SOX6: variants seen among roughly 807,000 people sequenced by gnomAD.
SOX6 encodes the protein SRY-box transcription factor 6, also known as transcription factor SOX-6.
A neutral mutation model predicts 97.8 loss-of-function variants in SOX6; 11 were observed. The observed-to-expected ratio is 0.11, with a 90% CI of 0.07 to 0.19. The LOEUF (loss-of-function observed/expected upper bound fraction) is 0.19. SOX6 is among the 10% of genes least tolerant of loss of function. The pLI, the probability that SOX6 is intolerant of heterozygous loss-of-function variation, is 1.00. For synonymous variants in SOX6, 360 were observed against 371.4 expected, an observed-to-expected ratio of 0.97 and a Z score of 0.35; for missense variants, 810 against 1,039.5, an observed-to-expected ratio of 0.78 and a Z score of 3.04.
intron 3 of SOX6, among the ~76,000 whole-genome samples, chr11:16,706,449 CAAAAAA>C (rs71047512): frequency 6.5e-3 from 16 of 2,448 alleles, no homozygotes; most frequent in South Asian, 0.033. Context: ...GAACCTATCA[CAAAAAA>C]AAAAAAAAAA....
chr11:16,143,539 T>G (rs1284122617), intron 6 of SOX6, among the ~76,000 whole-genome samples: 2 of 152,166 alleles, frequency 1.3e-5, no homozygotes, highest in Admixed American at 1.3e-4. Flanking sequence ...AAGCTCCAAT[T>G]AAAAGACACA....
chr11:16,485,897 AAAGGGAAGGGAAGAAAAGGG>A (rs1860419504), intron 4 of SOX6, among the ~76,000 whole-genome samples: 1 of 114,240 alleles, frequency 8.8e-6, no homozygotes, highest in African/African-American at 3.5e-5. Flanking sequence ...CTGTCTCAGA[AAAGGGAAGGGAAGAAAAGGG>A]AAGGGGAGGG....
intron 3 of SOX6, among the ~76,000 whole-genome samples, chr11:16,649,349 G>T (rs769296430): frequency 1.3e-5 from 2 of 152,078 alleles, no homozygotes; most frequent in African/African-American, 2.4e-5. Context: ...CAGACAAAAC[G>T]ATCTTAAGAG....
chr11:16,684,750 A>G (rs535122468), intron 3 of SOX6, among the ~76,000 whole-genome samples: 4 of 152,208 alleles, frequency 2.6e-5, no homozygotes, highest in African/African-American at 9.6e-5. Flanking sequence ...AATAAATAAA[A>G]TAAAAGTAAA....
Position 15,970,197 on chromosome 11 carries a change from A to T in SOX6, c.*2612T>A, listed in dbSNP as rs1167559598. The T allele has an allele frequency of 6.6e-6, 1 of 152,574 alleles. No homozygotes were observed. Among genetic ancestry groups the T allele is most frequent in the African/African-American group, 2.4e-5 (1 of 41,464 alleles). The allele number at this position is 152,574 out of a possible 1,614,324, so 9.5% of individuals were successfully genotyped here. A position where few individuals can be genotyped will look rare whatever the true frequency, so the allele number is the denominator to read the frequency against. ...AAAATACCATTTATATCCAGTGCTT[A>T]TAACACTTACGAAACAACATCTGTG... is the stretch of plus-strand genomic sequence containing the variant. On this transcript the variant is annotated 3_prime_UTR_variant, in exon 16 of 16. Coordinates refer to ENST00000683767, the MANE Select transcript of SOX6 (RefSeq NM_001367873.1).
chr11:16,665,044 G>T (rs1041259407), intron 3 of SOX6, among the ~76,000 whole-genome samples: 1 of 151,904 alleles, frequency 6.6e-6, no homozygotes, highest in Non-Finnish European at 1.5e-5. Context: ...TAATCAGCAG[G>T]GGTAACCAGA....
At chr11:16,398,320 T>C (rs1858424710) in intron 1 of SOX6, among the ~76,000 whole-genome samples, 1 of 151,526 alleles carries the variant, frequency 6.6e-6, no homozygotes, top group Admixed American at 6.6e-5. Context: ...AGATTCCACC[T>C]TGTTTTTCTG....
intron 3 of SOX6, among the ~76,000 whole-genome samples, chr11:16,641,907 C>T (rs1186000664): frequency 2.0e-5 from 3 of 152,110 alleles, no homozygotes; most frequent in Admixed American, 6.6e-5. Context: ...CCCATTTACA[C>T]TTAAGGTTAA....
At chr11:16,059,894 AG>A (rs1157482140) in intron 9 of SOX6, among the ~76,000 whole-genome samples, 1 of 151,974 alleles carries the variant, frequency 6.6e-6, no homozygotes, top group African/African-American at 2.4e-5. Flanking sequence ...AGTGAAAAAA[AG>A]TTCTATACTG....
intron 6 of SOX6, among the ~76,000 whole-genome samples, chr11:16,162,739 G>T (rs1187486723): frequency 3.9e-5 from 6 of 152,130 alleles, no homozygotes; most frequent in African/African-American, 9.7e-5. Flanking sequence ...ATCAATTCAA[G>T]AATAGCCTAA....
intron 2 of SOX6, among the ~76,000 whole-genome samples, chr11:16,730,311 T>C (rs983498829): frequency 3.9e-5 from 6 of 152,012 alleles, no homozygotes; most frequent in East Asian, 3.9e-4. Context: ...CAGTACCACA[T>C]TGCACTTATC....
rs143813498 is a variant in SOX6 at position 16,656,235 on chromosome 11, G to A, written n.430-43975C>T. ...TGGGATTACAGGCACATGCCACCAC[G>A]CCCAATTAATGTTTGTATTTTTAGT... is the stretch of plus-strand genomic sequence containing the variant. On this transcript the variant is annotated intron_variant and non_coding_transcript_variant, in intron 3 of 5. Coordinates refer to the SOX6 transcript ENST00000524520. Among the ~76,000 whole-genome samples, 1,097 of 152,150 alleles carry A rather than the reference G, an allele frequency of 7.2e-3. 9 individuals carry two copies. The highest frequency in any genetic ancestry group is 0.025 in the African/African-American group (1,040 of 41,504).
In SOX6 at chr11:16,708,450, T is replaced by A. The variant is rs185180567; in HGVS notation, n.429+6380A>T. Among the ~76,000 whole-genome samples the A allele has an allele frequency of 5.9e-5, 9 of 152,304 alleles. No individual in the cohort carries two copies. The East Asian group carries it at 1.2e-3, about 20-fold the overall frequency. On this transcript the variant is annotated intron_variant and non_coding_transcript_variant, in intron 3 of 5. Coordinates refer to the SOX6 transcript ENST00000524520. ...TATAGGTGCCAAATAAAAGTAAATT[T>A]AAAAAAATTAAAACACATAGTTTAA...
chr11:16,568,993 C>G (rs1322259838), intron 4 of SOX6, among the ~76,000 whole-genome samples: 3 of 152,068 alleles, frequency 2.0e-5, no homozygotes, highest in African/African-American at 7.2e-5. Context: ...AATGTGTTAA[C>G]TGAATGAAAG....
At chr11:16,734,954 G>A (rs2134062202) in intron 2 of SOX6, among the ~76,000 whole-genome samples, 1 of 152,258 alleles carries the variant, frequency 6.6e-6, no homozygotes, top group South Asian at 2.1e-4. Context: ...ATTGAGATCA[G>A]AATATCGACC....
chr11:16,157,700 T>C (rs1439925340), intron 6 of SOX6, among the ~76,000 whole-genome samples: 4 of 152,010 alleles, frequency 2.6e-5, no homozygotes, highest in African/African-American at 9.7e-5. Flanking sequence ...AGCTATACTC[T>C]AGCTTCATTT....
chr11:16,439,083 T>C (rs1472236326), intron 1 of SOX6, among the ~76,000 whole-genome samples: 1 of 152,214 alleles, frequency 6.6e-6, no homozygotes, highest in Non-Finnish European at 1.5e-5. Context: ...AATTTCGCAG[T>C]AGCCTCCAGT....
At chr11:16,488,658 C>A (rs1860471360) in intron 4 of SOX6, among the ~76,000 whole-genome samples, 2 of 152,066 alleles carry the variant, frequency 1.3e-5, no homozygotes, top group Non-Finnish European at 2.9e-5. Flanking sequence ...CACTGTAGAC[C>A]CACTAGGAGC....
intron 4 of SOX6, among the ~76,000 whole-genome samples, chr11:16,211,060 T>A (rs1439403682): frequency 6.6e-6 from 1 of 152,082 alleles, no homozygotes; most frequent in Non-Finnish European, 1.5e-5. Flanking sequence ...AAAGTCCTAA[T>A]GTGGTGCCTC....
Sources: allele counts gnomAD v4.1 joint callset (sites outside exome capture counted in the v4.1 genomes callset), GRCh38; gene constraint gnomAD v4.1.1; transcripts MANE v1.5; gene names NCBI Gene and HGNC (gene_info 2026-07-23, HGNC 2026-07-21).